Variants in TTC3 observed in about 807,000 individuals in gnomAD.
The protein encoded by TTC3 is E3 ubiquitin-protein ligase TTC3.
A neutral mutation model predicts 249.6 loss-of-function variants in TTC3; 180 were observed. The observed-to-expected ratio is 0.72, with a 90% CI of 0.64 to 0.82. The LOEUF is 0.82. Ranked by LOEUF, TTC3 falls within the 40% of genes least tolerant of loss-of-function variation. The probability of loss-of-function intolerance (pLI) is 0.00; values close to 1 mark genes in which losing one functional copy is unlikely to be tolerated. For missense variants in TTC3, 2,061 were observed against 2,398.4 expected (o/e 0.86, Z 2.94); for synonymous variants, 717 against 805.0 (o/e 0.89, Z 1.85).
At chr21:37,199,203 T>C (rs1394353707) in intron 44 of TTC3, among the ~76,000 whole-genome samples, 1 of 152,188 alleles carries the variant, frequency 6.6e-6, no homozygotes, top group Non-Finnish European at 1.5e-5. Flanking sequence ...CCAGTGCCAC[T>C]CCCTGAACTT....
chr21:37,125,176 AACACTC>A (rs1395433679), intron 14 of TTC3, among the ~76,000 whole-genome samples: 1 of 152,154 alleles, frequency 6.6e-6, no homozygotes, highest in Non-Finnish European at 1.5e-5. Context: ...AGGGTCTGTA[AACACTC>A]ACCTCAGCCT....
intron 1 of TTC3, among the ~76,000 whole-genome samples, chr21:37,081,110 T>A (rs1026244870): frequency 2.4e-5 from 1 of 41,482 alleles, no homozygotes; most frequent in Non-Finnish European, 6.0e-5. Context: ...TATTTATGCC[T>A]TTTTTTTTTT....
intron 32 of TTC3, among the ~76,000 whole-genome samples, chr21:37,164,986 T>G (rs2081118464): frequency 6.6e-6 from 1 of 152,180 alleles, no homozygotes; most frequent in Non-Finnish European, 1.5e-5. Context: ...TGGTTTTTCT[T>G]TAGAGTTGAA....
chr21:37,110,997 C>T (rs2075605326), intron 11 of TTC3, among the ~76,000 whole-genome samples: 1 of 152,126 alleles, frequency 6.6e-6, no homozygotes, highest in Non-Finnish European at 1.5e-5. Flanking sequence ...CACAGACAAG[C>T]AAATGCTGAG....
At chr21:37,130,885 A>G (rs2077417918) in intron 16 of TTC3, among the ~76,000 whole-genome samples, 1 of 152,218 alleles carries the variant, frequency 6.6e-6, no homozygotes, top group East Asian at 1.9e-4. Context: ...TATTTACAAT[A>G]AATACTTTGT....
exon 37 of TTC3, chr21:37,185,721 T>C: frequency 6.4e-7 from 1 of 1,551,080 alleles, no homozygotes; most frequent in Non-Finnish European, 8.7e-7. Context: ...CCCAGAAAAA[T>C]GATGGAAAGG....
intron 39 of TTC3, among the ~76,000 whole-genome samples, chr21:37,189,846 A>AT (rs1282806007): frequency 1.3e-5 from 2 of 151,944 alleles, no homozygotes; most frequent in East Asian, 3.9e-4. Context: ...AAGTGCTGGG[A>AT]TTACAGGAGT....
At chr21:37,117,485 A>C (rs560043752) in intron 11 of TTC3, among the ~76,000 whole-genome samples, 11 of 152,308 alleles carry the variant, frequency 7.2e-5, no homozygotes, top group African/African-American at 2.6e-4. Flanking sequence ...TATTTGTAAA[A>C]TGAATGAATG....
At chr21:37,122,426 ATATATATATAT>A (rs2076676867) in intron 12 of TTC3, among the ~76,000 whole-genome samples, 2 of 26,912 alleles carry the variant, frequency 7.4e-5, no homozygotes, top group African/African-American at 2.2e-4. Flanking sequence ...TATAATATAT[ATATATATATAT>A]TATATATATA....
At chr21:37,151,454 G>GAT (rs905148659) in intron 25 of TTC3, among the ~76,000 whole-genome samples, 1 of 152,048 alleles carries the variant, frequency 6.6e-6, no homozygotes, top group African/African-American at 2.4e-5. Context: ...CAAAAGAAAA[G>GAT]ATGAACAGAA....
At position 37,122,973 on chromosome 21, in the gene TTC3, A is replaced by T. The variant is rs1322834824; in HGVS notation, c.1064-10A>T. 1 of 1,577,446 alleles carries T rather than the reference A, an allele frequency of 6.3e-7. No individual in the cohort carries two copies. On this transcript the variant is annotated splice_polypyrimidine_tract_variant and intron_variant, in intron 12 of 45. Transcript: ENST00000355666. ...TTACTATGTGTGTGTGTGTGTGATG[A>T]CTTTTATAGGTCGAACAGCAAATAA...
intron 1 of TTC3, chr21:37,082,483 GCTT>G (rs1165821360): frequency 1.0e-6 from 1 of 985,306 alleles, no homozygotes; most frequent in East Asian, 1.1e-4. Flanking sequence ...ATTTCTATCA[GCTT>G]TGTCTGGGAG....
intron 10 of TTC3, 51 bp from the exon 11 acceptor site, chr21:37,108,341 A>G: frequency 6.7e-7 from 1 of 1,487,338 alleles, no homozygotes; most frequent in South Asian, 1.2e-5. Context: ...AAGATATAAT[A>G]CTTTTACTAT....
chr21:37,165,852 A>G (rs1187567121), exon 33 of TTC3: 1 of 1,614,096 alleles, frequency 6.2e-7, no homozygotes, highest in Non-Finnish European at 8.5e-7. Context: ...GCTGCTAGGG[A>G]ATTTAAACCA....
At chr21:37,188,786 G>T (rs774387197) in intron 39 of TTC3, 191 bp downstream of exon 39, 7 of 417,786 alleles carry the variant, frequency 1.7e-5, no homozygotes, top group Non-Finnish European at 3.0e-5. Flanking sequence ...TAAATGGATA[G>T]ATAACATTTG....
At chr21:37,155,540 A>G (rs972723265) in intron 27 of TTC3, among the ~76,000 whole-genome samples, 10 of 152,116 alleles carry the variant, frequency 6.6e-5, no homozygotes, top group African/African-American at 2.4e-4. Context: ...CTGCAAGCTA[A>G]CTCTTTAATC....
At chr21:37,084,791 A>C (rs2072201386) in intron 1 of TTC3, among the ~76,000 whole-genome samples, 1 of 152,146 alleles carries the variant, frequency 6.6e-6, no homozygotes, top group Non-Finnish European at 1.5e-5. Context: ...TCAGGAGTTC[A>C]AGACCAGCCT....
In TTC3 at chr21:37,165,454, A is replaced by T; in HGVS notation, c.3336-96A>T. On this transcript the variant is annotated intron_variant, in intron 32 of 45. Transcript: ENST00000355666. ...AAGGTTGAGATCAGTGAAAAGTGAA[A>T]CAGTGTTTTCCTTTGGGAGAATAAA... 8.8e-6 allele frequency: 8 copies of T among 909,548 alleles called. No homozygotes were observed. The Admixed American group carries it at 9.4e-5, about 11-fold the overall frequency. The allele number at this position is 909,548 out of a possible 1,614,324, so 56.3% of individuals were successfully genotyped here.
At chr21:37,103,037 T>C (rs1433896717) in intron 10 of TTC3, among the ~76,000 whole-genome samples, 1 of 151,926 alleles carries the variant, frequency 6.6e-6, no homozygotes, top group Non-Finnish European at 1.5e-5. Context: ...AAAGAAGAGG[T>C]GAAGCCATGT....
Sources: allele counts gnomAD v4.1 joint callset (sites outside exome capture counted in the v4.1 genomes callset), GRCh38; gene constraint gnomAD v4.1.1; transcripts MANE v1.5; gene names NCBI Gene and HGNC (gene_info 2026-07-23, HGNC 2026-07-21).